Variants in ZC3H7B observed in about 807,000 individuals in gnomAD.
The protein encoded by ZC3H7B is zinc finger CCCH domain-containing protein 7B.
In ZC3H7B, 35 loss-of-function variants were observed where a neutral mutation model predicts 116.0. The observed-to-expected ratio is 0.30, with a 90% CI of 0.23 to 0.40. The LOEUF (loss-of-function observed/expected upper bound fraction) is 0.40. Ranked by LOEUF, ZC3H7B falls within the 10% of genes least tolerant of loss-of-function variation. The pLI is 1.00. For synonymous variants in ZC3H7B, 502 were observed against 545.6 expected, an observed-to-expected ratio of 0.92 and a Z score of 1.11; for missense variants, 1,011 against 1,321.5, an observed-to-expected ratio of 0.77 and a Z score of 3.64.
chr22:41,326,014 A>C (rs1198510156), intron 4 of ZC3H7B, 96 bp downstream of exon 4: 1 of 1,390,844 alleles, frequency 7.2e-7, no homozygotes, highest in Non-Finnish European at 9.7e-7. Context: ...CCTGTAGACC[A>C]GGGCCAGCCT....
chr22:41,330,408 T>C (rs2036366669), intron 6 of ZC3H7B, among the ~76,000 whole-genome samples: 1 of 152,246 alleles, frequency 6.6e-6, no homozygotes. Flanking sequence ...TTCAGCATTA[T>C]GTTCTCAACA....
intron 1 of ZC3H7B, among the ~76,000 whole-genome samples, chr22:41,319,457 C>T (rs2036227168): frequency 6.6e-6 from 1 of 151,216 alleles, no homozygotes; most frequent in South Asian, 2.1e-4. Flanking sequence ...ATAGTCCCAG[C>T]TACTTGGGAG....
Position 41,349,417 on chromosome 22 carries a change from A to C in ZC3H7B, c.1948+116A>C. ...CAGGCCAGGGCCCCATGGTCGCTGGAGGGGGCTTCGGGAGAGTTCAGGAGA... is the reference window on the plus strand; with the variant it reads ...CAGGCCAGGGCCCCATGGTCGCTGGCGGGGGCTTCGGGAGAGTTCAGGAGA... On this transcript the variant is annotated intron_variant, in intron 16 of 22. Coordinates refer to ENST00000352645, the MANE Select transcript of ZC3H7B (RefSeq NM_017590.6). The surrounding 1 kb of genome is among the most constrained non-coding windows in gnomAD (Gnocchi z 4.9). The C allele has an allele frequency of 1.4e-6, 2 of 1,399,012 alleles. No homozygotes were observed. The highest frequency in any genetic ancestry group is 1.9e-6 in the Non-Finnish European group (2 of 1,033,006). 86.7% of individuals were successfully genotyped at this position (1,399,012 alleles called of 1,614,324 possible). A position where few individuals can be genotyped will look rare whatever the true frequency, so the allele number is the denominator to read the frequency against.
chr22:41,307,250 T>C (rs2036055811), intron 1 of ZC3H7B, among the ~76,000 whole-genome samples: 1 of 152,140 alleles, frequency 6.6e-6, no homozygotes, highest in Non-Finnish European at 1.5e-5. Context: ...GCTGGGATTA[T>C]AGGCATGAGC....
Position 41,357,412 on chromosome 22 carries a change from G to T in ZC3H7B, c.2917G>T (p.Ala973Ser). Residue 973 changes from alanine (A) to serine (S), a missense_variant, in exon 23 of 23, where the codon GCC becomes TCC. Around this residue, in one of 5 missense-constraint regions of ZC3H7B, gnomAD observed 406 missense variants for 590.2 expected, o/e 0.69. Transcript: ENST00000352645. This position sits in a 1 kb window ranked among gnomAD's most constrained non-coding sequence, Gnocchi z 5.4. ...TPEAPAAAAT[A>S]TTGE ...AGAAGCCCCTGCTGCTGCTGCCACC[G>T]CCACCACTGGGGAGTAGGGCCAGGT... The T allele has an allele frequency of 1.3e-6, 2 of 1,565,030 alleles. No homozygotes were observed. The highest frequency in any genetic ancestry group is 8.7e-7 in the Non-Finnish European group (1 of 1,151,152).
rs969423831 is a variant in ZC3H7B at position 41,341,012 on chromosome 22, A to G, written c.1139-76A>G. On this transcript the variant is annotated intron_variant, in intron 10 of 22. Transcript: ENST00000352645. ...GGGGGCTTCTCCGAGTCAGCAATACATAAGGGGAAGCCCTAGGAAGGCCCC... is the reference window on the plus strand; with the variant it reads ...GGGGGCTTCTCCGAGTCAGCAATACGTAAGGGGAAGCCCTAGGAAGGCCCC... The G allele has an allele frequency of 8.2e-6, 12 of 1,459,804 alleles. No homozygotes were observed. The African/African-American group carries it at 1.7e-4, about 21-fold the overall frequency. 90.4% of individuals were successfully genotyped at this position (1,459,804 alleles called of 1,614,324 possible). A position where few individuals can be genotyped will look rare whatever the true frequency, so the allele number is the denominator to read the frequency against.
At chr22:41,335,612 C>G (rs995230852) in intron 7 of ZC3H7B, 2 of 152,328 alleles carry the variant, frequency 1.3e-5, no homozygotes, top group African/African-American at 4.8e-5. Flanking sequence ...GATAGCAGCT[C>G]TGTGATCCAG....
chr22:41,357,583 C>A lies in ZC3H7B; in HGVS notation c.*154C>A. On this transcript the variant is annotated 3_prime_UTR_variant, in exon 23 of 23. Transcript: ENST00000352645. The surrounding 1 kb of genome is among the most constrained non-coding windows in gnomAD (Gnocchi z 5.4). ...GAGGCCCTGTCCATCTTCTCCCCAC[C>A]ACCGCCCCGGTGTGCGTACCCAGGC... 1 of 1,082,408 alleles carries A rather than the reference C, an allele frequency of 9.2e-7. No homozygotes were observed. Among genetic ancestry groups the A allele is most frequent in the Non-Finnish European group, 1.3e-6 (1 of 778,618 alleles). The allele number at this position is 1,082,408 out of a possible 1,614,324, so 67.1% of individuals were successfully genotyped here. A position where few individuals can be genotyped will look rare whatever the true frequency, so the allele number is the denominator to read the frequency against.
chr22:41,344,995 G>A (rs922744473), intron 13 of ZC3H7B, among the ~76,000 whole-genome samples: 1 of 152,034 alleles, frequency 6.6e-6, no homozygotes, highest in Non-Finnish European at 1.5e-5. Flanking sequence ...TAACTTTTTT[G>A]TAGAGATAGG....
At chr22:41,355,909 G>A in intron 19 of ZC3H7B, 45 bp from the exon 20 acceptor site, 1 of 1,609,362 alleles carries the variant, frequency 6.2e-7, no homozygotes, top group Non-Finnish European at 8.5e-7. Context: ...AGGCAGCGAT[G>A]CTTTCCAGCG....
At position 41,325,749 on chromosome 22, in the gene ZC3H7B, T is replaced by C; in HGVS notation, c.116T>C (p.Leu39Pro). Residue 39 changes from leucine to proline, a missense_variant, in exon 4 of 23, where the codon CTG becomes CCG. Around this residue, in one of 5 missense-constraint regions of ZC3H7B, gnomAD observed 322 missense variants for 443.9 expected, o/e 0.73. Coordinates refer to ENST00000352645, the MANE Select transcript of ZC3H7B (RefSeq NM_017590.6). ...TTTCTGCTCAAGCTGGTGCAGAATC[T>C]GTTTGCTGAGGGCAATGATCTGTTC... is the stretch of plus-strand genomic sequence containing the variant. ...EAFLLKLVQN[L>P]FAEGNDLFRE... 1 of 1,613,920 alleles carries C rather than the reference T, an allele frequency of 6.2e-7. No homozygotes were observed. The highest frequency in any genetic ancestry group is 8.5e-7 in the Non-Finnish European group (1 of 1,179,952).
intron 5 of ZC3H7B, among the ~76,000 whole-genome samples, chr22:41,328,832 ATTGT>A (rs1402914696): frequency 1.3e-5 from 2 of 151,892 alleles, no homozygotes; most frequent in East Asian, 3.9e-4. Flanking sequence ...GTTGCAGGAG[ATTGT>A]TTGGCGATAG....
At chr22:41,323,745 C>T (rs1296998327) in intron 2 of ZC3H7B, among the ~76,000 whole-genome samples, 1 of 152,162 alleles carries the variant, frequency 6.6e-6, no homozygotes, top group African/African-American at 2.4e-5. Flanking sequence ...TGAATTGGGA[C>T]AGGTGGGTTG....
At chr22:41,306,679 T>G (rs2036045468) in intron 1 of ZC3H7B, among the ~76,000 whole-genome samples, 1 of 152,178 alleles carries the variant, frequency 6.6e-6, no homozygotes, top group South Asian at 2.1e-4. Context: ...CTTTATTTAA[T>G]TCTTTCAACA....
chr22:41,355,368 G>C, intron 17 of ZC3H7B, 101 bp from the exon 18 acceptor site: 1 of 1,510,546 alleles, frequency 6.6e-7, no homozygotes, highest in Non-Finnish European at 8.9e-7. Flanking sequence ...GAGCAGACCA[G>C]CTTATTCCAA....
In ZC3H7B at chr22:41,339,109, C is replaced by T; in HGVS notation, c.734C>T (p.Thr245Ile). 2 of 1,612,908 alleles carry T rather than the reference C, an allele frequency of 1.2e-6. No individual in the cohort carries two copies. Among genetic ancestry groups the T allele is most frequent in the African/African-American group, 1.3e-5 (1 of 74,984 alleles). ...CTGGCCCCCCTGGACAGCAGCAGGA[C>T]CCTCCCCAGCACCGACAGCCTGGAT... ...DLLAPLDSSR[T>I]LPSTDSLDDF... Residue 245 changes from threonine (T) to isoleucine (I), a missense_variant, in exon 9 of 23, where the codon ACC (threonine) becomes ATC (isoleucine). Transcript: ENST00000352645.
chr22:41,329,314 A>G (rs2145918529), intron 5 of ZC3H7B, among the ~76,000 whole-genome samples: 1 of 142,360 alleles, frequency 7.0e-6, no homozygotes, highest in East Asian at 2.2e-4. Context: ...GCTGGAGTGC[A>G]GCGGCGCAGT....
chr22:41,334,012 T>C (rs1322062746), intron 7 of ZC3H7B: 2 of 152,126 alleles, frequency 1.3e-5, no homozygotes, highest in Non-Finnish European at 2.9e-5. Flanking sequence ...GGAAGGTATG[T>C]GCAAAGGCCC....
At chr22:41,306,469 G>A (rs2036042679) in intron 1 of ZC3H7B, among the ~76,000 whole-genome samples, 1 of 151,636 alleles carries the variant, frequency 6.6e-6, no homozygotes, top group African/African-American at 2.4e-5. Context: ...CGCCTCCCGG[G>A]TTCAAGTGAT....
Sources: allele counts gnomAD v4.1 joint callset (sites outside exome capture counted in the v4.1 genomes callset), GRCh38; gene constraint gnomAD v4.1.1; regional missense constraint gnomAD v4.1.1; non-coding constraint Gnocchi (gnomAD v3.1); transcripts MANE v1.5; gene names NCBI Gene and HGNC (gene_info 2026-07-23, HGNC 2026-07-21).